MSLN: variants seen among roughly 807,000 people sequenced by gnomAD.
The protein encoded by MSLN is CAK1 antigen.
MSLN carries 82 observed loss-of-function variants against 72.6 expected under a neutral mutation model. That is an observed-to-expected ratio of 1.13 (90% CI 0.94 to 1.36). MSLN has a LOEUF of 1.36. Among genes scored for constraint, MSLN ranks in the 40% most tolerant of loss-of-function variants. The pLI is 0.00. For missense variants in MSLN, 1,005 were observed against 847.9 expected (o/e 1.19, Z -2.30); for synonymous variants, 456 against 387.3 (o/e 1.18, Z -2.08).
chr16:761,633 G>C (rs1263354736), intron 2 of MSLN, among the ~76,000 whole-genome samples: 1 of 152,216 alleles, frequency 6.6e-6, no homozygotes, highest in Non-Finnish European at 1.5e-5. Context: ...TGGCTGTGGG[G>C]GGGGTCTGTT....
rs749567120 is a variant in MSLN at position 765,113 on chromosome 16, G to A, written c.514G>A (p.Val172Met). The A allele has an allele frequency of 3.7e-6, 6 of 1,605,032 alleles. No homozygotes were observed. In the Admixed American group the frequency reaches 5.0e-5, roughly 13 times the overall value. Residue 172 changes from valine (V) to methionine (M), a missense_variant, in exon 9 of 18, where the codon GTG becomes ATG. Physicochemically the swap from Val to Met is conservative, Grantham distance 21. Transcript: ENST00000545450. Reference sequence around the variant, plus strand: ...GCTGAGGCCAGCCTCTCTGCAGGGTGTGCGGGGGTCTCTGCTGAGCGAGGC... The same window carrying A: ...GCTGAGGCCAGCCTCTCTGCAGGGTATGCGGGGGTCTCTGCTGAGCGAGGC... ...LLPAALACWG[V>M]RGSLLSEADV...
intron 4 of MSLN, 31 bp from the exon 5 acceptor site, chr16:763,611 G>C (rs988767833): frequency 6.3e-7 from 1 of 1,580,030 alleles, no homozygotes; most frequent in Non-Finnish European, 8.6e-7. Context: ...GAGCTGGTCT[G>C]AGCCATGTTC....
intron 13 of MSLN, 60 bp downstream of exon 13, chr16:766,550 G>C (rs147129729): frequency 1.9e-6 from 3 of 1,609,720 alleles, no homozygotes; most frequent in South Asian, 1.1e-5. Context: ...GGGGCAGAGT[G>C]GGGGACAAAG....
Position 763,390 on chromosome 16 carries a change from T to G in MSLN, c.129+114T>G, listed in dbSNP as rs955975762. 3.0e-6 allele frequency: 3 copies of G among 1,004,450 alleles called. No homozygotes were observed. The African/African-American group carries it at 5.0e-5, about 17-fold the overall frequency. The allele number at this position is 1,004,450 out of a possible 1,614,324, so 62.2% of individuals were successfully genotyped here. On this transcript the variant is annotated intron_variant, in intron 4 of 17. Coordinates refer to ENST00000545450, the MANE Select transcript of MSLN (RefSeq NM_005823.6). ...GCTTGCCAGTTTCCACGGTCCTTGC[T>G]TGCAAAGGGGCACCTGGACCTGCAT...
chr16:766,030 C>T lies in MSLN; in HGVS notation c.896-29C>T, dbSNP rs1027184456. ...GAAGAAGGGGTCAAACGAACTCCGGCCCTGACCCCTGACCCCTGTGCCCTG... is the reference window on the plus strand; with the variant it reads ...GAAGAAGGGGTCAAACGAACTCCGGTCCTGACCCCTGACCCCTGTGCCCTG... On this transcript the variant is annotated intron_variant, in intron 11 of 17. Coordinates refer to ENST00000545450, the MANE Select transcript of MSLN (RefSeq NM_005823.6). 18 of 1,573,820 alleles carry T rather than the reference C, an allele frequency of 1.1e-5. No homozygotes were observed. The Middle Eastern group carries it at 5.2e-4, about 45-fold the overall frequency.
At chr16:765,491 T>TG (rs1567357535) in intron 9 of MSLN, 36 bp from the exon 10 acceptor site, 7 of 1,570,470 alleles carry the variant, frequency 4.5e-6, no homozygotes, top group Admixed American at 3.4e-5. Context: ...GGGCTGCACG[T>TG]GGGGGGTCCC....
intron 3 of MSLN, among the ~76,000 whole-genome samples, chr16:763,028 G>T (rs1487899282): frequency 6.6e-6 from 1 of 152,186 alleles, no homozygotes; most frequent in Non-Finnish European, 1.5e-5. Context: ...GATGTGGAAG[G>T]CCGGGCTCCC....
At position 765,810 on chromosome 16, in the gene MSLN, C is replaced by T. The variant is rs748142735; in HGVS notation, c.895+20C>T. The T allele has an allele frequency of 7.2e-5, 114 of 1,590,676 alleles. No individual in the cohort carries two copies. The highest frequency in any genetic ancestry group is 9.4e-5 in the Non-Finnish European group (110 of 1,175,676). On this transcript the variant is annotated intron_variant, in intron 11 of 17. Transcript: ENST00000545450. ...TGGAGAGTGAGTGCCGTGCCCTGCG[C>T]AGTCTGGCACCAGGCTGGGCAGCAC...
intron 7 of MSLN, 31 bp downstream of exon 7, chr16:764,757 G>A (rs893897281): frequency 2.7e-5 from 27 of 986,922 alleles, no homozygotes; most frequent in Middle Eastern, 3.2e-4. Flanking sequence ...CCACCCCCCC[G>A]GCTTTTGCCG....
At position 768,051 on chromosome 16, in the gene MSLN, GTGGAGGAGGGGCACA is replaced by G. The variant is rs1483461086; in HGVS notation, c.1597-321_1597-307del. ...GGAGGGGGGCGCGTGGAGGGGGCGC[GTGGAGGAGGGGCACA>G]TGGAGGGGGGGGCAAGTGGAGAAGC... On this transcript the variant is annotated intron_variant, in intron 16 of 17. Transcript: ENST00000545450. Among the ~76,000 whole-genome samples, 111 of 97,892 alleles carry G rather than the reference GTGGAGGAGGGGCACA, an allele frequency of 1.1e-3. 2 individuals are homozygous for G. The highest frequency in any genetic ancestry group is 0.01 in the Admixed American group (103 of 10,156). The allele number at this position is 97,892 out of a possible 152,430, so 64.2% of individuals were successfully genotyped here. A position where few individuals can be genotyped will look rare whatever the true frequency, so the allele number is the denominator to read the frequency against.
Position 765,572 on chromosome 16 carries a change from C to T in MSLN, c.750C>T (p.Gly250=), listed in dbSNP as rs2151615885. Reference sequence around the variant, plus strand: ...TCTCCACGATGGACGCTCTGCGGGGCCTGCTGCCCGTGCTGGGCCAGCCCA... The same window carrying T: ...TCTCCACGATGGACGCTCTGCGGGGTCTGCTGCCCGTGCTGGGCCAGCCCA... ...WSVSTMDALR[G]LLPVLGQPII... Residue 250 remains glycine (G), a synonymous_variant, in exon 10 of 18, where the codon GGC becomes GGT. Coordinates refer to ENST00000545450, the MANE Select transcript of MSLN (RefSeq NM_005823.6). 1 of 1,606,450 alleles carries T rather than the reference C, an allele frequency of 6.2e-7. No individual in the cohort carries two copies. Among genetic ancestry groups the T allele is most frequent in the South Asian group, 1.1e-5 (1 of 91,000 alleles).
rs2041610359 is a variant in MSLN, at chr16:766,439, G to A, written c.1179G>A (p.Glu393=). ...GCAAGTGGAATGTGACGTCCCTGGA[G>A]ACCCTGAAGGCTTTGCTTGAAGTCA... ...DIRKWNVTSL[E]TLKALLEVNK... is the part of the protein sequence containing the mutation. The change falls in exon 13 of 18, where the codon GAG becomes GAA. Residue 393 remains glutamate, a synonymous_variant. Transcript: ENST00000545450. 2 of 1,612,606 alleles carry A rather than the reference G, an allele frequency of 1.2e-6. No individual in the cohort carries two copies. Among genetic ancestry groups the A allele is most frequent in the Admixed American group, 3.3e-5 (2 of 60,004 alleles).
intron 16 of MSLN, 74 bp from the exon 17 acceptor site, chr16:768,305 G>GGA: frequency 7.0e-7 from 1 of 1,438,276 alleles, no homozygotes; most frequent in Non-Finnish European, 9.2e-7. Context: ...TTTGGACACA[G>GGA]GAGAGCCTGG....
chr16:768,162 G>C (rs989139415), intron 16 of MSLN, among the ~76,000 whole-genome samples: 1 of 151,028 alleles, frequency 6.6e-6, no homozygotes, highest in African/African-American at 2.4e-5. Context: ...TCTGCAGTGG[G>C]GCGAGGCCTT....
rs752789818 is a variant in MSLN at position 766,438 on chromosome 16, AG to A, written c.1179del (p.Thr394ProfsTer2). On this transcript the variant is annotated frameshift_variant, in exon 13 of 18. Transcript: ENST00000545450. LOFTEE classifies it high-confidence loss of function. ...CGCAAGTGGAATGTGACGTCCCTGG[AG>A]ACCCTGAAGGCTTTGCTTGAAGTCA... ...DIRKWNVTSLETLKALLEVNK... is the reference protein window; with the variant it reads ...DIRKWNVTSLXTLKALLEVNK... 6.2e-7 allele frequency: 1 copy of A among 1,612,678 alleles called. No homozygotes were observed. Among genetic ancestry groups the A allele is most frequent in the South Asian group, 1.1e-5 (1 of 91,076 alleles).
chr16:765,696 C>T lies in MSLN; in HGVS notation c.801C>T (p.Ile267=), dbSNP rs754264983. 32 of 1,600,540 alleles carry T rather than the reference C, an allele frequency of 2.0e-5. No homozygotes were observed. The highest frequency in any genetic ancestry group is 4.4e-5 in the South Asian group (4 of 91,050). The part of the protein sequence containing the change: ...QPIIRSIPQG[I]VAAWRQRSSR... ...CAGGTCCTGCTCGTCCTCAGGGCATCGTGGCCGCGTGGCGGCAACGCTCCT... is the reference window on the plus strand; with the variant it reads ...CAGGTCCTGCTCGTCCTCAGGGCATTGTGGCCGCGTGGCGGCAACGCTCCT... The change falls in exon 11 of 18, where the codon ATC becomes ATT. Residue 267 remains isoleucine, a synonymous_variant. Transcript: ENST00000545450.
At chr16:762,116 A>G (rs927384708) in intron 2 of MSLN, among the ~76,000 whole-genome samples, 2 of 152,224 alleles carry the variant, frequency 1.3e-5, no homozygotes, top group Non-Finnish European at 2.9e-5. Flanking sequence ...AAATGGGCTC[A>G]GAGAGGCCAA....
rs747371117 is a variant in MSLN at position 768,800 on chromosome 16, T to G, written c.*67T>G. ...CCGCCTGGCCAGGAGCAGGCACGGGTGGTCCCCGTTCCACCCCAAGAGAAC... is the reference window on the plus strand; with the variant it reads ...CCGCCTGGCCAGGAGCAGGCACGGGGGGTCCCCGTTCCACCCCAAGAGAAC... On this transcript the variant is annotated 3_prime_UTR_variant, in exon 18 of 18. Coordinates refer to ENST00000545450, the MANE Select transcript of MSLN (RefSeq NM_005823.6). 6.7e-7 allele frequency: 1 copy of G among 1,497,596 alleles called. No homozygotes were observed. The highest frequency in any genetic ancestry group is 9.2e-7 in the Non-Finnish European group (1 of 1,086,110). 92.8% of individuals were successfully genotyped at this position (1,497,596 alleles called of 1,614,324 possible).
In MSLN at chr16:764,160, C is replaced by T; in HGVS notation, c.300+17C>T. 6.3e-7 allele frequency: 1 copy of T among 1,597,474 alleles called. No homozygotes were observed. Among genetic ancestry groups the T allele is most frequent in the Non-Finnish European group, 8.5e-7 (1 of 1,176,484 alleles). On this transcript the variant is annotated intron_variant, in intron 6 of 17. Transcript: ENST00000545450. The stretch of plus-strand genomic sequence containing the variant: ...ACAGAGCAGGTCAGTCTCAGTTGGG[C>T]TGAGGCAGGTGGGCACAGCTGGGGC...
Sources: gnomAD v4.1 joint callset for allele counts (sites outside exome capture counted in the v4.1 genomes callset) on GRCh38, gnomAD v4.1.1 for gene constraint, MANE v1.5 for transcripts, NCBI Gene and HGNC (gene_info 2026-07-23, HGNC 2026-07-21) for gene names.